Variants in FNIP1 observed in about 807,000 individuals in gnomAD.
FNIP1 encodes the protein folliculin interacting protein 1, also known as folliculin-interacting protein 1.
In FNIP1, 40 loss-of-function variants were observed where a neutral mutation model predicts 124.5. The ratio of observed to expected loss-of-function variants is 0.32; its 90% confidence interval spans 0.25 to 0.42. The LOEUF is 0.42. Among genes scored for constraint, FNIP1 ranks in the 10% least tolerant of loss-of-function variants. The pLI, the probability that FNIP1 is intolerant of heterozygous loss-of-function variation, is 1.00. For synonymous variants in FNIP1, 472 were observed against 470.6 expected (o/e 1.00, Z -0.04); for missense variants, 1,176 against 1,403.7 (o/e 0.84, Z 2.59).
intron 11 of FNIP1, among the ~76,000 whole-genome samples, chr5:131,686,630 T>C (rs890353730): frequency 2.0e-5 from 3 of 152,224 alleles, no homozygotes; most frequent in Non-Finnish European, 4.4e-5. Context: ...TCAGGATAAA[T>C]GGGGTATCCA....
In FNIP1 at chr5:131,670,651, A is replaced by C. The variant is rs562512235; in HGVS notation, c.2940-20T>G. On this transcript the variant is annotated intron_variant, in intron 14 of 17. Coordinates refer to ENST00000510461, the MANE Select transcript of FNIP1 (RefSeq NM_133372.3). ...TTTGACCTGGAAGAAAAATGCCCCC[A>C]AAAGACATTTATTTAGTAATAAATA... 47 of 1,568,668 alleles carry C rather than the reference A, an allele frequency of 3.0e-5. No individual in the cohort carries two copies. In the East Asian group the frequency reaches 1.0e-3, roughly 35 times the overall value.
chr5:131,763,098 T>G (rs1771287966), intron 1 of FNIP1, among the ~76,000 whole-genome samples: 1 of 152,184 alleles, frequency 6.6e-6, no homozygotes, highest in African/African-American at 2.4e-5. Context: ...ATCTAGTGTT[T>G]GATAGCACAA....
At chr5:131,703,925 A>T in intron 10 of FNIP1, 140 bp downstream of exon 10, 1 of 633,504 alleles carries the variant, frequency 1.6e-6, no homozygotes, top group South Asian at 2.3e-5. Context: ...AAAGGGTTCA[A>T]TCTATTTGCA....
Position 131,672,825 on chromosome 5 carries a change from G to C in FNIP1, c.1619C>G (p.Thr540Ser). 1.2e-6 allele frequency: 2 copies of C among 1,613,224 alleles called. No homozygotes were observed. Among genetic ancestry groups the C allele is most frequent in the Non-Finnish European group, 1.7e-6 (2 of 1,179,742 alleles). Residue 540 changes from threonine (T) to serine (S), a missense_variant, in exon 14 of 18, where the codon ACT (threonine) becomes AGT (serine). By Grantham distance (58) the Thr-to-Ser change is moderately conservative. Around this residue, in one of 2 missense-constraint regions of FNIP1, gnomAD observed 1,109 missense variants for 1,288.5 expected, o/e 0.86. Transcript: ENST00000510461. ...DMVQRLLYFL[T>S]YFIRCSELQE... The stretch of plus-strand genomic sequence containing the variant: ...AAGTTCAGAGCATCTTATAAAATAA[G>C]TAAGAAAATAAAGTAGCCTCTGGAC...
intron 1 of FNIP1, among the ~76,000 whole-genome samples, chr5:131,776,910 C>T (rs927311154): frequency 2.0e-5 from 3 of 152,104 alleles, no homozygotes; most frequent in Non-Finnish European, 4.4e-5. Flanking sequence ...GATCCGTACA[C>T]TTTTCTGAAT....
rs542375781 is a variant in FNIP1, at chr5:131,710,588, A to C, written c.696T>G (p.Ser232=). The change falls in exon 7 of 18, where the codon TCT becomes TCG. Residue 232 remains serine, a synonymous_variant. Transcript: ENST00000510461. ...CAGCACATCGCAAACCTGCAAAGAAAGAGGCGCTCCTGATCAGGCGGAGCG... is the reference window on the plus strand; with the variant it reads ...CAGCACATCGCAAACCTGCAAAGAACGAGGCGCTCCTGATCAGGCGGAGCG... ...QGPLRLIRSA[S]FFAVHSNPMD... The C allele has an allele frequency of 1.9e-6, 3 of 1,613,838 alleles. No homozygotes were observed. In the African/African-American group the frequency reaches 4.0e-5, roughly 22 times the overall value.
intron 6 of FNIP1, among the ~76,000 whole-genome samples, chr5:131,711,756 A>G (rs1561668369): frequency 6.6e-6 from 1 of 152,188 alleles, no homozygotes; most frequent in African/African-American, 2.4e-5. Flanking sequence ...TTGGCCTCCT[A>G]AAGTGTTGAA....
chr5:131,693,342 A>ATATATG (rs1768571487), intron 11 of FNIP1, among the ~76,000 whole-genome samples: 2 of 130,968 alleles, frequency 1.5e-5, no homozygotes. Flanking sequence ...ACATATATAT[A>ATATATG]TATATATATA....
At chr5:131,743,941 A>C (rs1275594111) in intron 2 of FNIP1, among the ~76,000 whole-genome samples, 10 of 152,200 alleles carry the variant, frequency 6.6e-5, no homozygotes, top group Non-Finnish European at 2.9e-5. Flanking sequence ...AATGTTTCCA[A>C]GCAAAGAGAA....
intron 15 of FNIP1, among the ~76,000 whole-genome samples, chr5:131,663,475 A>G (rs540573179): frequency 6.6e-6 from 1 of 152,366 alleles, no homozygotes; most frequent in Admixed American, 6.5e-5. Flanking sequence ...GAAAAATGGA[A>G]ACTTTAATCC....
At position 131,641,838 on chromosome 5, in the gene FNIP1, G is replaced by A. The variant is rs2149499226; in HGVS notation, c.*2847C>T. ...AGCTATGTACATATCCAACATCTAA[G>A]TAACTTAGAAAAAGCAGAACAATCT... On this transcript the variant is annotated 3_prime_UTR_variant, in exon 18 of 18. Coordinates refer to ENST00000510461, the MANE Select transcript of FNIP1 (RefSeq NM_133372.3). 6.5e-6 allele frequency: 1 copy of A among 152,740 alleles called. No homozygotes were observed. The highest frequency in any genetic ancestry group is 1.9e-4 in the East Asian group (1 of 5,320). 9.5% of individuals were successfully genotyped at this position (152,740 alleles called of 1,614,324 possible). A position where few individuals can be genotyped will look rare whatever the true frequency, so the allele number is the denominator to read the frequency against.
chr5:131,677,468 C>T (rs1298916203), intron 13 of FNIP1: 12 of 410,568 alleles, frequency 2.9e-5, no homozygotes, highest in South Asian at 1.0e-4. Flanking sequence ...TACTAGTAAA[C>T]GAGCTATCAG....
intron 3 of FNIP1, among the ~76,000 whole-genome samples, chr5:131,728,644 G>C (rs151084266): frequency 2.6e-5 from 4 of 152,010 alleles, no homozygotes; most frequent in Non-Finnish European, 5.9e-5. Flanking sequence ...TAGCTCACAG[G>C]AGTTTATTAC....
intron 10 of FNIP1, among the ~76,000 whole-genome samples, chr5:131,703,545 C>A (rs928650082): frequency 1.3e-5 from 2 of 152,214 alleles, no homozygotes; most frequent in Admixed American, 6.5e-5. Context: ...CAGGCTTACT[C>A]CTGCAATAAG....
At chr5:131,742,394 C>G (rs533542033) in intron 2 of FNIP1, among the ~76,000 whole-genome samples, 1 of 152,200 alleles carries the variant, frequency 6.6e-6, no homozygotes, top group African/African-American at 2.4e-5. Context: ...AGCCTGGAGG[C>G]AGAGGTTTCA....
intron 13 of FNIP1, among the ~76,000 whole-genome samples, chr5:131,674,809 C>T (rs1443222030): frequency 6.6e-6 from 1 of 151,496 alleles, no homozygotes; most frequent in Non-Finnish European, 1.5e-5. Flanking sequence ...TTAAAATCCT[C>T]TATTTTTACT....
chr5:131,660,819 C>A (rs758948352), intron 15 of FNIP1, among the ~76,000 whole-genome samples: 10 of 152,204 alleles, frequency 6.6e-5, no homozygotes, highest in Non-Finnish European at 1.3e-4. Flanking sequence ...GGCAATAGAT[C>A]CAGAGGCCAG....
intron 1 of FNIP1, among the ~76,000 whole-genome samples, chr5:131,751,255 T>C (rs1203868940): frequency 6.6e-6 from 1 of 152,218 alleles, no homozygotes; most frequent in East Asian, 1.9e-4. Flanking sequence ...TTATTTATTC[T>C]TAAAGATCTA....
At chr5:131,702,462 C>A (rs1768935573) in intron 10 of FNIP1, among the ~76,000 whole-genome samples, 1 of 152,116 alleles carries the variant, frequency 6.6e-6, no homozygotes, top group African/African-American at 2.4e-5. Context: ...AGTAAAAGCA[C>A]AATATGCATA....
Sources: allele counts gnomAD v4.1 joint callset (sites outside exome capture counted in the v4.1 genomes callset), GRCh38; gene constraint gnomAD v4.1.1; regional missense constraint gnomAD v4.1.1; transcripts MANE v1.5; gene names NCBI Gene and HGNC (gene_info 2026-07-23, HGNC 2026-07-21).